KIAA0825: variants seen among roughly 807,000 people sequenced by gnomAD.
KIAA0825 encodes KIAA0825.
Under a neutral mutation model 147.6 loss-of-function variants are expected in KIAA0825, and 119 were observed. That is an observed-to-expected ratio of 0.81 (90% CI 0.69 to 0.94). The LOEUF is 0.94. KIAA0825 is among the 40% of genes least tolerant of loss of function. KIAA0825 has a pLI of 0.00. For missense variants in KIAA0825, 1,381 were observed against 1,472.7 expected (o/e 0.94, Z 1.02); for synonymous variants, 470 against 518.1 (o/e 0.91, Z 1.26).
chr5:94,559,325 C>T (rs1367399119), intron 2 of KIAA0825, among the ~76,000 whole-genome samples: 1 of 152,114 alleles, frequency 6.6e-6, no homozygotes, highest in Non-Finnish European at 1.5e-5. Flanking sequence ...CCCTTCTCTC[C>T]TAACTGTTGA....
At position 94,555,703 on chromosome 5, in the gene KIAA0825, T is replaced by C. The variant is rs541492894; in HGVS notation, c.-1-18576A>G. Among the ~76,000 whole-genome samples the C allele has an allele frequency of 1.2e-3, 182 of 152,326 alleles. 2 individuals are homozygous for C. The highest frequency in any genetic ancestry group is 4.8e-3 in the South Asian group (23 of 4,832). On this transcript the variant is annotated intron_variant, in intron 2 of 20. Coordinates refer to ENST00000682413, the MANE Select transcript of KIAA0825 (RefSeq NM_001145678.3). ...CTCTTTCTATATAATATTCTCATTTTAATAACTTTATAATTTTCAATATGC... is the reference window on the plus strand; with the variant it reads ...CTCTTTCTATATAATATTCTCATTTCAATAACTTTATAATTTTCAATATGC...
At chr5:94,542,087 C>T (rs978284928) in intron 2 of KIAA0825, among the ~76,000 whole-genome samples, 1 of 152,066 alleles carries the variant, frequency 6.6e-6, no homozygotes, top group Non-Finnish European at 1.5e-5. Flanking sequence ...TTGTTTTGGT[C>T]CTCTTTAGTA....
intron 20 of KIAA0825, among the ~76,000 whole-genome samples, chr5:94,341,342 C>T (rs1029476853): frequency 2.6e-5 from 4 of 152,194 alleles, no homozygotes; most frequent in African/African-American, 9.7e-5. Context: ...GTCACACTTT[C>T]TGCTGTCATG....
intron 20 of KIAA0825, among the ~76,000 whole-genome samples, chr5:94,164,845 TA>T (rs1376570479): frequency 2.6e-5 from 4 of 151,938 alleles, no homozygotes; most frequent in East Asian, 3.8e-4. Flanking sequence ...TCTCGCCATA[TA>T]AAAAAATCAA....
chr5:94,165,882 G>A (rs1272022983), intron 20 of KIAA0825, among the ~76,000 whole-genome samples: 1 of 152,182 alleles, frequency 6.6e-6, no homozygotes, highest in Admixed American at 6.5e-5. Context: ...TGAGGGTGAG[G>A]TGGGTATAGT....
intron 15 of KIAA0825, chr5:94,415,234 TAG>T (rs1236893988): frequency 1.3e-5 from 2 of 152,196 alleles, no homozygotes; most frequent in African/African-American, 4.8e-5. Flanking sequence ...GACAGTGATT[TAG>T]CAGGAGGAAA....
intron 20 of KIAA0825, among the ~76,000 whole-genome samples, chr5:94,169,629 T>C (rs1033686234): frequency 2.0e-5 from 3 of 151,652 alleles, no homozygotes; most frequent in Non-Finnish European, 4.4e-5. Context: ...TGGTTGATGG[T>C]GCCTTTACTC....
intron 20 of KIAA0825, among the ~76,000 whole-genome samples, chr5:94,330,563 G>A (rs2150287032): frequency 6.6e-6 from 1 of 152,140 alleles, no homozygotes. Flanking sequence ...TGCCATTAAA[G>A]CAGTGCAGGG....
intron 1 of KIAA0825, among the ~76,000 whole-genome samples, chr5:94,599,219 T>C (rs1215415236): frequency 6.6e-6 from 1 of 152,126 alleles, no homozygotes; most frequent in Non-Finnish European, 1.5e-5. Context: ...TGCATTTCCC[T>C]GATGACTAGT....
chr5:94,540,861 A>T (rs1306983445), intron 2 of KIAA0825, among the ~76,000 whole-genome samples: 2 of 152,230 alleles, frequency 1.3e-5, no homozygotes, highest in Non-Finnish European at 2.9e-5. Context: ...ATTAGACTCT[A>T]GATAAGGCCT....
chr5:94,396,786 C>T (rs542487503), intron 16 of KIAA0825, among the ~76,000 whole-genome samples: 1 of 152,022 alleles, frequency 6.6e-6, no homozygotes, highest in Admixed American at 6.6e-5. Flanking sequence ...TGTCCAGGAC[C>T]CAGGTGGCCT....
intron 10 of KIAA0825, among the ~76,000 whole-genome samples, chr5:94,468,496 A>G (rs1760825767): frequency 6.6e-6 from 1 of 152,188 alleles, no homozygotes; most frequent in Non-Finnish European, 1.5e-5. Context: ...CAGCTGCACC[A>G]TACCACTTTC....
intron 20 of KIAA0825, among the ~76,000 whole-genome samples, chr5:94,293,017 T>G (rs1406463597): frequency 6.6e-6 from 1 of 152,002 alleles, no homozygotes; most frequent in Non-Finnish European, 1.5e-5. Flanking sequence ...TCTTTATTAG[T>G]CTGGCTAGCA....
At chr5:94,551,640 A>T (rs750592513) in intron 2 of KIAA0825, among the ~76,000 whole-genome samples, 9 of 152,118 alleles carry the variant, frequency 5.9e-5, no homozygotes, top group Non-Finnish European at 1.3e-4. Flanking sequence ...ATGGAGAAAC[A>T]GTCTTTCCCA....
At chr5:94,329,175 A>G (rs1251942938) in intron 20 of KIAA0825, among the ~76,000 whole-genome samples, 1 of 152,120 alleles carries the variant, frequency 6.6e-6, no homozygotes, top group Non-Finnish European at 1.5e-5. Flanking sequence ...AAGCACAGAC[A>G]TAGAAGGTTT....
Position 94,470,046 on chromosome 5 carries a change from G to A in KIAA0825, c.1787C>T (p.Thr596Met), listed in dbSNP as rs776935393. 1.5e-5 allele frequency: 24 copies of A among 1,551,506 alleles called. No individual in the cohort carries two copies. Among genetic ancestry groups the A allele is most frequent in the Admixed American group, 1.2e-4 (6 of 50,972 alleles). ...EFINTLQFQV[T>M]NYCVRVCATS... ...AGCACAAACTCTGACGCAGTAGTTC[G>A]TAACCTGAAACTGTAGAGTGTTGAT... is the stretch of plus-strand genomic sequence containing the variant. Residue 596 changes from threonine to methionine, a missense_variant, in exon 10 of 21, where the codon ACG becomes ATG. Physicochemically the swap from Thr to Met is moderately conservative, Grantham distance 81 (BLOSUM62 -1). Transcript: ENST00000682413.
At chr5:94,476,974 A>G in intron 7 of KIAA0825, 137 bp downstream of exon 7, 2 of 645,536 alleles carry the variant, frequency 3.1e-6, no homozygotes, top group Non-Finnish European at 5.2e-6. Context: ...CTTATAAGCC[A>G]ATTTTCAATC....
chr5:94,456,358 G>A (rs1279729836), intron 12 of KIAA0825, among the ~76,000 whole-genome samples: 1 of 152,112 alleles, frequency 6.6e-6, no homozygotes, highest in African/African-American at 2.4e-5. Flanking sequence ...TCTCTGCTAA[G>A]TCTTCTCTGA....
intron 20 of KIAA0825, among the ~76,000 whole-genome samples, chr5:94,230,634 C>T (rs976653846): frequency 1.6e-4 from 24 of 152,128 alleles, no homozygotes; most frequent in African/African-American, 5.8e-4. Flanking sequence ...TGTGAGGTCT[C>T]AGAAGATTCT....
Sources: gnomAD v4.1 joint callset for allele counts (sites outside exome capture counted in the v4.1 genomes callset) on GRCh38, gnomAD v4.1.1 for gene constraint, MANE v1.5 for transcripts, NCBI Gene and HGNC (gene_info 2026-07-23, HGNC 2026-07-21) for gene names.